CFAP299: variants seen among roughly 807,000 people sequenced by gnomAD.
CFAP299 encodes the protein cilia and flagella associated protein 299.
CFAP299 carries 21 observed loss-of-function variants against 27.0 expected under a neutral mutation model. That is an observed-to-expected ratio of 0.78 (90% CI 0.55 to 1.12). The LOEUF (loss-of-function observed/expected upper bound fraction) is 1.12. Ranked by LOEUF, CFAP299 falls within the 50% of genes most tolerant of loss-of-function variation. CFAP299 has a pLI of 0.00. For missense variants in CFAP299, 310 were observed against 276.6 expected (o/e 1.12, Z -0.86); for synonymous variants, 104 against 98.1 (o/e 1.06, Z -0.36).
intron 3 of CFAP299, among the ~76,000 whole-genome samples, chr4:80,724,577 T>A (rs1236936457): frequency 1.3e-5 from 2 of 152,084 alleles, no homozygotes; most frequent in Admixed American, 6.5e-5. Context: ...GTCACTGACT[T>A]TTTTTGGAAT....
At chr4:80,390,897 A>G (rs1725417923) in intron 2 of CFAP299, among the ~76,000 whole-genome samples, 1 of 9,214 alleles carries the variant, frequency 1.1e-4, no homozygotes. Flanking sequence ...ATATACACAC[A>G]TATGCATATA....
intron 3 of CFAP299, among the ~76,000 whole-genome samples, chr4:80,721,947 CA>C (rs1351468604): frequency 6.6e-6 from 1 of 152,090 alleles, no homozygotes; most frequent in Admixed American, 6.6e-5. Context: ...TAAAACCTGT[CA>C]AAGATGTCAC....
chr4:80,365,874 G>A (rs1723807476), intron 2 of CFAP299, among the ~76,000 whole-genome samples: 1 of 152,186 alleles, frequency 6.6e-6, no homozygotes. Context: ...ATCAAAGTAG[G>A]TATTTCCTCT....
intron 3 of CFAP299, among the ~76,000 whole-genome samples, chr4:80,701,481 C>A (rs1413759697): frequency 6.6e-6 from 1 of 151,868 alleles, no homozygotes; most frequent in Non-Finnish European, 1.5e-5. Flanking sequence ...AGTAATAATC[C>A]TTTGAAAGTG....
chr4:80,591,021 A>G (rs1356269182), intron 3 of CFAP299, among the ~76,000 whole-genome samples: 1 of 150,112 alleles, frequency 6.7e-6, no homozygotes, highest in Non-Finnish European at 1.5e-5. Flanking sequence ...TATTTGTTAT[A>G]TTAATCTTTC....
intron 4 of CFAP299, among the ~76,000 whole-genome samples, chr4:80,901,766 C>T (rs549634391): frequency 6.7e-4 from 102 of 152,128 alleles, no homozygotes; most frequent in Non-Finnish European, 1.1e-3. Flanking sequence ...TATATGGTTA[C>T]CTACTTTAGT....
chr4:80,658,597 G>C (rs1407992417), intron 3 of CFAP299, among the ~76,000 whole-genome samples: 1 of 152,254 alleles, frequency 6.6e-6, no homozygotes, highest in Admixed American at 6.5e-5. Flanking sequence ...ACCAGGAAAA[G>C]TGTTCTGGGG....
intron 3 of CFAP299, among the ~76,000 whole-genome samples, chr4:80,799,829 T>TAATATATAATATATATA (rs1290893507): frequency 4.5e-5 from 1 of 22,156 alleles, no homozygotes; most frequent in African/African-American, 4.8e-4. Flanking sequence ...ATTATATATA[T>TAATATATAATATATATA]TTATATATTA....
intron 3 of CFAP299, among the ~76,000 whole-genome samples, chr4:80,599,624 G>A (rs1009092693): frequency 1.3e-5 from 2 of 151,936 alleles, no homozygotes; most frequent in Non-Finnish European, 2.9e-5. Flanking sequence ...TTGAATTTAA[G>A]GACCCATATT....
At chr4:80,892,089 A>C (rs2110187598) in intron 4 of CFAP299, among the ~76,000 whole-genome samples, 1 of 152,238 alleles carries the variant, frequency 6.6e-6, no homozygotes, top group South Asian at 2.1e-4. Flanking sequence ...AAGAAATCAC[A>C]TTATCTGACT....
chr4:80,482,631 G>T (rs928355925), intron 2 of CFAP299, among the ~76,000 whole-genome samples: 1 of 152,040 alleles, frequency 6.6e-6, no homozygotes, highest in African/African-American at 2.4e-5. Context: ...AATATTAGCT[G>T]GTATTGGAGG....
intron 2 of CFAP299, among the ~76,000 whole-genome samples, chr4:80,470,531 C>T (rs868704477): frequency 9.9e-5 from 15 of 152,168 alleles, no homozygotes; most frequent in African/African-American, 3.6e-4. Context: ...TTTTATGTAT[C>T]CATTACTGAG....
At chr4:80,391,661 C>T (rs1226365521) in intron 2 of CFAP299, among the ~76,000 whole-genome samples, 1 of 152,102 alleles carries the variant, frequency 6.6e-6, no homozygotes, top group Admixed American at 6.5e-5. Flanking sequence ...GCTGTGCTGC[C>T]AGTCATATAA....
Position 80,759,630 on chromosome 4 carries a change from G to A in CFAP299, c.334-110363G>A, listed in dbSNP as rs377634080. Among the ~76,000 whole-genome samples, 10 of 152,288 alleles carry A rather than the reference G, an allele frequency of 6.6e-5. No individual in the cohort carries two copies. The East Asian group carries it at 7.7e-4, about 12-fold the overall frequency. On this transcript the variant is annotated intron_variant, in intron 3 of 5. Coordinates refer to ENST00000358105, the MANE Select transcript of CFAP299 (RefSeq NM_152770.3). ...ACTATTGTATATCCATGGCAAGTTT[G>A]ACACCACCATTATTTTATTTCTTTA...
chr4:80,543,853 T>C lies in CFAP299; in HGVS notation c.243-39240T>C, dbSNP rs1578576635. On this transcript the variant is annotated intron_variant, in intron 2 of 5. Coordinates refer to ENST00000358105, the MANE Select transcript of CFAP299 (RefSeq NM_152770.3). ...AGAAATTCAGAGAACCCATGTGAGA[T>C]ACTATGCAAAACAACCATCCCCAAG... is the stretch of plus-strand genomic sequence containing the variant. Among the ~76,000 whole-genome samples the C allele has an allele frequency of 2.0e-5, 3 of 152,152 alleles. No individual in the cohort carries two copies. In the East Asian group the frequency reaches 5.8e-4, roughly 29 times the overall value.
chr4:80,726,285 A>T (rs1723156958), intron 3 of CFAP299, among the ~76,000 whole-genome samples: 1 of 152,188 alleles, frequency 6.6e-6, no homozygotes, highest in Non-Finnish European at 1.5e-5. Flanking sequence ...TGATAACATT[A>T]CAATTCATAT....
intron 3 of CFAP299, among the ~76,000 whole-genome samples, chr4:80,677,976 C>A (rs1208437325): frequency 6.6e-6 from 1 of 151,988 alleles, no homozygotes; most frequent in East Asian, 1.9e-4. Flanking sequence ...CTTTTTCTTT[C>A]TGTCTTTTCT....
intron 2 of CFAP299, among the ~76,000 whole-genome samples, chr4:80,430,399 A>G (rs2110077817): frequency 6.6e-6 from 1 of 152,322 alleles, no homozygotes; most frequent in African/African-American, 2.4e-5. Context: ...GGATTTTCCC[A>G]AGTTTTCATC....
chr4:80,609,382 G>C (rs1434434800), intron 3 of CFAP299, among the ~76,000 whole-genome samples: 1 of 151,956 alleles, frequency 6.6e-6, no homozygotes, highest in Non-Finnish European at 1.5e-5. Context: ...TTCCAAGGTA[G>C]GAAACTATGC....
Sources: allele counts gnomAD v4.1 joint callset (sites outside exome capture counted in the v4.1 genomes callset), GRCh38; gene constraint gnomAD v4.1.1; transcripts MANE v1.5; gene names NCBI Gene and HGNC (gene_info 2026-07-23, HGNC 2026-07-21).